UNC79: variants seen among roughly 807,000 people sequenced by gnomAD.
The protein encoded by UNC79 is protein unc-79 homolog.
A neutral mutation model predicts 283.1 loss-of-function variants in UNC79; 37 were observed. That is an observed-to-expected ratio of 0.13 (90% CI 0.10 to 0.17). The LOEUF (loss-of-function observed/expected upper bound fraction) is 0.17, where lower values mean the gene tolerates loss of function less well. UNC79 is among the 10% of genes least tolerant of loss of function. The pLI, the probability that UNC79 is intolerant of heterozygous loss-of-function variation, is 1.00. For missense variants in UNC79, 2,272 were observed against 3,211.1 expected, an observed-to-expected ratio of 0.71 and a Z score of 7.07; for synonymous variants, 1,107 against 1,200.2, an observed-to-expected ratio of 0.92 and a Z score of 1.61.
chr14:93,704,985 A>G (rs1469432548), intron 48 of UNC79, among the ~76,000 whole-genome samples: 2 of 152,166 alleles, frequency 1.3e-5, no homozygotes, highest in Non-Finnish European at 2.9e-5. Context: ...CTGTAATCCC[A>G]GCACTTTGAG....
chr14:93,693,973 C>T (rs1343411758), intron 46 of UNC79, among the ~76,000 whole-genome samples: 1 of 152,050 alleles, frequency 6.6e-6, no homozygotes, highest in African/African-American at 2.4e-5. Flanking sequence ...AACAGACTAG[C>T]GTGATACAGA....
intron 26 of UNC79, 115 bp downstream of exon 26, chr14:93,603,533 A>C (rs761367392): frequency 7.7e-7 from 1 of 1,293,202 alleles, no homozygotes; most frequent in African/African-American, 1.5e-5. Flanking sequence ...GAGTTTGTTC[A>C]ATAAGTTTGG....
intron 1 of UNC79, among the ~76,000 whole-genome samples, chr14:93,336,930 A>G (rs1353845274): frequency 2.0e-5 from 3 of 152,138 alleles, no homozygotes; most frequent in East Asian, 1.9e-4. Flanking sequence ...CAGATCCCTC[A>G]TGAATGGCTT....
upstream of UNC79, among the ~76,000 whole-genome samples, chr14:93,428,594 A>T (rs555172803): frequency 6.6e-6 from 1 of 152,256 alleles, no homozygotes; most frequent in African/African-American, 2.4e-5. Context: ...GCCTAGGTTG[A>T]TGATTAGAGT....
intron 1 of UNC79, among the ~76,000 whole-genome samples, chr14:93,420,916 G>T (rs1017360618): frequency 6.6e-6 from 1 of 151,570 alleles, no homozygotes; most frequent in Admixed American, 6.6e-5. Flanking sequence ...AATGACAATG[G>T]CAACACAACA....
chr14:93,367,784 G>A (rs186339056), intron 1 of UNC79, among the ~76,000 whole-genome samples: 1 of 152,270 alleles, frequency 6.6e-6, no homozygotes, highest in East Asian at 1.9e-4. Context: ...TAGGCAATAG[G>A]CTTCCTAATT....
intron 1 of UNC79, among the ~76,000 whole-genome samples, chr14:93,351,085 G>C (rs1010023273): frequency 2.6e-5 from 4 of 152,044 alleles, no homozygotes; most frequent in African/African-American, 9.7e-5. Flanking sequence ...TGACTTTTGG[G>C]TTATCTTTAG....
At chr14:93,515,048 C>T (rs2059992895) in intron 7 of UNC79, among the ~76,000 whole-genome samples, 1 of 152,022 alleles carries the variant, frequency 6.6e-6, no homozygotes, top group South Asian at 2.1e-4. Flanking sequence ...TTTGTATTCC[C>T]CGTCCCCCAC....
intron 7 of UNC79, among the ~76,000 whole-genome samples, chr14:93,499,381 G>T (rs1373843607): frequency 6.6e-6 from 1 of 152,166 alleles, no homozygotes; most frequent in Non-Finnish European, 1.5e-5. Context: ...CTTACGTGAA[G>T]TATAAATGGA....
At chr14:93,392,867 G>A (rs539488650) in intron 1 of UNC79, among the ~76,000 whole-genome samples, 1 of 152,314 alleles carries the variant, frequency 6.6e-6, no homozygotes, top group South Asian at 2.1e-4. Flanking sequence ...GGTTACAAAG[G>A]ATTTGGGCTA....
At chr14:93,401,342 C>T (rs1182349358) in intron 1 of UNC79, among the ~76,000 whole-genome samples, 1 of 152,140 alleles carries the variant, frequency 6.6e-6, no homozygotes, top group African/African-American at 2.4e-5. Flanking sequence ...ATACTACTTG[C>T]CCAAGGTGGC....
intron 26 of UNC79, among the ~76,000 whole-genome samples, chr14:93,611,710 T>C (rs1013354053): frequency 1.3e-5 from 2 of 152,208 alleles, no homozygotes; most frequent in Admixed American, 6.5e-5. Flanking sequence ...TGGTTTATAA[T>C]GGTTTGTAAC....
At chr14:93,482,710 A>T (rs2058202413) in intron 4 of UNC79, among the ~76,000 whole-genome samples, 1 of 152,148 alleles carries the variant, frequency 6.6e-6, no homozygotes, top group Non-Finnish European at 1.5e-5. Flanking sequence ...ATCCCCATTC[A>T]GGCCACTTCT....
At chr14:93,657,727 G>A (rs774063878) in intron 38 of UNC79, among the ~76,000 whole-genome samples, 3 of 152,174 alleles carry the variant, frequency 2.0e-5, no homozygotes, top group Non-Finnish European at 2.9e-5. Flanking sequence ...AGAGTGGCAA[G>A]TGTTGCCAGC....
At chr14:93,641,302 C>A (rs1227097592) in intron 33 of UNC79, 55 bp downstream of exon 36, 7 of 1,522,934 alleles carry the variant, frequency 4.6e-6, no homozygotes, top group Non-Finnish European at 6.3e-6. Context: ...AGTTTGGTTA[C>A]CACAGTGGTG....
intron 1 of UNC79, among the ~76,000 whole-genome samples, chr14:93,444,519 A>C (rs2056407110): frequency 6.6e-6 from 1 of 152,126 alleles, no homozygotes; most frequent in Non-Finnish European, 1.5e-5. Flanking sequence ...AATGTCACAA[A>C]GATTTTCTTC....
intron 14 of UNC79, among the ~76,000 whole-genome samples, chr14:93,548,027 CAAAA>C (rs919514546): frequency 2.0e-5 from 3 of 151,462 alleles, no homozygotes; most frequent in South Asian, 2.1e-4. Context: ...AAAACAAAAA[CAAAA>C]AAAACACAGG....
At chr14:93,666,366 T>G (rs2402338) in intron 40 of UNC79, among the ~76,000 whole-genome samples, 65,689 of 151,930 alleles carry the variant, frequency 0.43, 15,586 homozygotes, top group Admixed American at 0.55. Flanking sequence ...CAGATTGACT[T>G]TTAAAAATTA....
At position 93,654,043 on chromosome 14, in the gene UNC79, A is replaced by T; in HGVS notation, c.6282+18A>T. On this transcript the variant is annotated intron_variant, in intron 37 of 48. Transcript: ENST00000555664. ...TCCTAGAGGTGGGTTTCCTTTAATGACACCCTAAGCCCCAGCCGAAACTCT... is the reference window on the plus strand; with the variant it reads ...TCCTAGAGGTGGGTTTCCTTTAATGTCACCCTAAGCCCCAGCCGAAACTCT... 6.2e-7 allele frequency: 1 copy of T among 1,612,786 alleles called. No homozygotes were observed. Among genetic ancestry groups the T allele is most frequent in the Non-Finnish European group, 8.5e-7 (1 of 1,178,972 alleles).
Sources: gnomAD v4.1 joint callset for allele counts (sites outside exome capture counted in the v4.1 genomes callset) on GRCh38, gnomAD v4.1.1 for gene constraint, MANE v1.5 for transcripts, NCBI Gene and HGNC (gene_info 2026-07-23, HGNC 2026-07-21) for gene names.